Variants in LTBP1 observed in about 807,000 individuals in gnomAD.
LTBP1 encodes the protein latent transforming growth factor beta binding protein 1, also known as latent-transforming growth factor beta-binding protein 1.
In LTBP1, 129 loss-of-function variants were observed where a neutral mutation model predicts 207.6. The observed-to-expected ratio is 0.62, with a 90% CI of 0.54 to 0.72. The LOEUF is 0.72. Ranked by LOEUF, LTBP1 falls within the 30% of genes least tolerant of loss-of-function variation. The pLI is 0.00. For synonymous variants in LTBP1, 963 were observed against 833.7 expected, an observed-to-expected ratio of 1.16 and a Z score of -2.67; for missense variants, 2,281 against 2,217.2, an observed-to-expected ratio of 1.03 and a Z score of -0.58.
At chr2:33,197,809 G>A (rs559000328) in intron 7 of LTBP1, among the ~76,000 whole-genome samples, 2 of 152,236 alleles carry the variant, frequency 1.3e-5, no homozygotes, top group East Asian at 1.9e-4. Context: ...CCACTGCCTC[G>A]TTGCACAAGC....
intron 2 of LTBP1, among the ~76,000 whole-genome samples, chr2:32,954,383 G>A (rs1284300142): frequency 1.3e-5 from 2 of 152,160 alleles, no homozygotes; most frequent in Admixed American, 6.5e-5. Flanking sequence ...TGTTGATAGC[G>A]TTACTTCCTT....
chr2:32,966,348 A>G (rs1209392286), intron 2 of LTBP1, among the ~76,000 whole-genome samples: 1 of 151,618 alleles, frequency 6.6e-6, no homozygotes, highest in Non-Finnish European at 1.5e-5. Flanking sequence ...CAGCTTATCA[A>G]TTCTTTCTTT....
chr2:33,286,079 C>T (rs2093660089), intron 19 of LTBP1, among the ~76,000 whole-genome samples: 2 of 152,176 alleles, frequency 1.3e-5, no homozygotes, highest in East Asian at 3.9e-4. Flanking sequence ...TGGATATATG[C>T]AGCTAGCCTT....
At chr2:33,298,529 G>A (rs1443048208) in intron 20 of LTBP1, among the ~76,000 whole-genome samples, 1 of 152,162 alleles carries the variant, frequency 6.6e-6, no homozygotes, top group Admixed American at 6.5e-5. Flanking sequence ...AACTATTGTT[G>A]GTCTTCAGTT....
chr2:33,364,049 C>G (rs2094955980), intron 29 of LTBP1, among the ~76,000 whole-genome samples, 167 bp from the exon 30 acceptor site: 1 of 152,226 alleles, frequency 6.6e-6, no homozygotes. Flanking sequence ...GAGCAGCTTA[C>G]ATTTTTATAG....
At chr2:33,044,442 A>C (rs1055548363) in intron 3 of LTBP1, among the ~76,000 whole-genome samples, 1 of 152,136 alleles carries the variant, frequency 6.6e-6, no homozygotes, top group Admixed American at 6.5e-5. Context: ...AAGGACATGA[A>C]CTCATCCTTT....
intron 25 of LTBP1, among the ~76,000 whole-genome samples, chr2:33,346,494 G>A (rs1417066602): frequency 6.6e-6 from 1 of 151,102 alleles, no homozygotes; most frequent in Non-Finnish European, 1.5e-5. Context: ...GACCATCCTG[G>A]CCAACATGGT....
rs769796973 is a variant in LTBP1 at position 33,110,662 on chromosome 2, C to T, written c.944C>T (p.Pro315Leu). ...QEYVLKPKYFPAQKGISGEQS... is the reference protein window; with the variant it reads ...QEYVLKPKYFLAQKGISGEQS... ...TACGTGCTCAAGCCCAAGTACTTTC[C>T]AGCCCAGAAGGGGATTTCAGGAGAG... is the stretch of plus-strand genomic sequence containing the variant. The change falls in exon 4 of 34, where the codon CCA becomes CTA. Residue 315 changes from proline (P) to leucine (L), a missense_variant. By Grantham distance (98) the Pro-to-Leu change is moderately conservative. This residue lies in a region of LTBP1 where 555 missense variants were observed against 491.0 expected (regional missense o/e 1.13). Transcript: ENST00000404816. The T allele has an allele frequency of 2.7e-5, 44 of 1,614,174 alleles. 2 individuals are homozygous for T. The South Asian group carries it at 4.8e-4, about 18-fold the overall frequency.
chr2:33,135,898 C>T (rs1558684524), intron 5 of LTBP1, among the ~76,000 whole-genome samples: 1 of 152,154 alleles, frequency 6.6e-6, no homozygotes, highest in African/African-American at 2.4e-5. Flanking sequence ...AAATGTCAGA[C>T]AGATAATAAC....
Position 33,397,258 on chromosome 2 carries a change from G to C in LTBP1, c.4960G>C (p.Asp1654His). 6.2e-7 allele frequency: 1 copy of C among 1,614,110 alleles called. No individual in the cohort carries two copies. The highest frequency in any genetic ancestry group is 8.5e-7 in the Non-Finnish European group (1 of 1,179,980). ...TCDCFDGYHLDTAKMTCVDVN... is the reference protein window; with the variant it reads ...TCDCFDGYHLHTAKMTCVDVN... ...CGATTGCTTTGATGGGTATCACTTG[G>C]ATACGGCCAAGATGACCTGTGTCGG... Residue 1654 changes from aspartate to histidine, a missense_variant, in exon 33 of 34, where the codon GAT becomes CAT. Asp to His is a moderately conservative substitution (Grantham distance 81). Transcript: ENST00000404816.
At chr2:33,201,967 G>A (rs1328038840) in intron 7 of LTBP1, among the ~76,000 whole-genome samples, 1 of 148,948 alleles carries the variant, frequency 6.7e-6, no homozygotes, top group African/African-American at 2.5e-5. Context: ...TTGAAGATAG[G>A]TCTCTTTTGG....
intron 32 of LTBP1, among the ~76,000 whole-genome samples, chr2:33,395,179 A>G (rs556854952): frequency 6.6e-6 from 1 of 152,324 alleles, no homozygotes; most frequent in South Asian, 2.1e-4. Flanking sequence ...GCCATTCTAC[A>G]TAGCATCGTT....
chr2:33,155,672 A>C (rs77916529), intron 5 of LTBP1, among the ~76,000 whole-genome samples: 2,538 of 151,714 alleles, frequency 0.017, 25 homozygotes, highest in East Asian at 0.027. Flanking sequence ...TGGTCTAAAA[A>C]CTTTTCTCCT....
At chr2:33,303,002 C>T (rs1178470968) in intron 22 of LTBP1, among the ~76,000 whole-genome samples, 6 of 151,762 alleles carry the variant, frequency 4.0e-5, no homozygotes, top group South Asian at 2.1e-4. Context: ...CACAAACACA[C>T]GCACACACAC....
At chr2:33,239,902 TTAAATAAATAAA>T (rs56284447) in intron 9 of LTBP1, among the ~76,000 whole-genome samples, 8 of 144,252 alleles carry the variant, frequency 5.5e-5, no homozygotes, top group East Asian at 2.0e-4. Flanking sequence ...AGACTCCATC[TTAAATAAATAAA>T]TAAATAAATA....
At chr2:33,221,588 A>T (rs1349756406) in intron 8 of LTBP1, among the ~76,000 whole-genome samples, 2 of 152,194 alleles carry the variant, frequency 1.3e-5, no homozygotes, top group African/African-American at 2.4e-5. Context: ...CATGACTGGG[A>T]TACCCGATCC....
intron 20 of LTBP1, among the ~76,000 whole-genome samples, chr2:33,298,043 T>A (rs902202415): frequency 5.9e-5 from 9 of 152,230 alleles, no homozygotes; most frequent in African/African-American, 9.6e-5. Context: ...GGTCCTCACA[T>A]AATGTCAGGT....
chr2:33,337,575 G>T (rs1041188318), intron 24 of LTBP1, among the ~76,000 whole-genome samples: 21 of 152,284 alleles, frequency 1.4e-4, no homozygotes, highest in Admixed American at 3.9e-4. Flanking sequence ...CTTGCGTGAT[G>T]AATCAGCAAC....
At chr2:33,398,218 T>C (rs2095377301) in intron 33 of LTBP1, 146 bp from the exon 34 acceptor site, 1 of 633,952 alleles carries the variant, frequency 1.6e-6, no homozygotes. Flanking sequence ...CTCAAAAAAG[T>C]CATCTTCGTC....
Sources: allele counts gnomAD v4.1 joint callset (sites outside exome capture counted in the v4.1 genomes callset), GRCh38; gene constraint gnomAD v4.1.1; regional missense constraint gnomAD v4.1.1; transcripts MANE v1.5; gene names NCBI Gene and HGNC (gene_info 2026-07-23, HGNC 2026-07-21).